PLCXD2: variants seen among roughly 807,000 people sequenced by gnomAD.
PLCXD2 encodes the protein PI-PLC X domain-containing protein 2.
A neutral mutation model predicts 28.6 loss-of-function variants in PLCXD2; 21 were observed. The observed-to-expected ratio is 0.73, with a 90% CI of 0.52 to 1.06. The LOEUF is 1.06. PLCXD2 is among the 50% of genes least tolerant of loss of function. PLCXD2 has a pLI of 0.00. For synonymous variants in PLCXD2, 140 were observed against 150.1 expected (o/e 0.93, Z 0.49); for missense variants, 369 against 376.7 (o/e 0.98, Z 0.17).
intron 1 of PLCXD2, among the ~76,000 whole-genome samples, chr3:111,704,495 A>C (rs4325897): frequency 0.24 from 36,668 of 152,164 alleles, 6,216 homozygotes; most frequent in African/African-American, 0.47. Flanking sequence ...GTGGTCACTC[A>C]TACTTCATAA....
chr3:111,721,401 G>A (rs1006285898), intron 3 of PLCXD2: 1 of 152,164 alleles, frequency 6.6e-6, no homozygotes, highest in Admixed American at 6.5e-5. Flanking sequence ...AGGATTGTTG[G>A]ATGTCACCAC....
intron 2 of PLCXD2, 47 bp downstream of exon 2, chr3:111,708,433 T>G: frequency 6.6e-7 from 1 of 1,507,494 alleles, no homozygotes; most frequent in Non-Finnish European, 9.1e-7. Flanking sequence ...AATTTAACTC[T>G]TCCTGCTTTT....
At chr3:111,706,812 CAAA>C (rs34217304) in intron 1 of PLCXD2, among the ~76,000 whole-genome samples, 10 of 115,040 alleles carry the variant, frequency 8.7e-5, no homozygotes, top group Non-Finnish European at 9.7e-5. Context: ...GACTTTAAGG[CAAA>C]AAAAAAAAAA....
chr3:111,687,420 T>A (rs1465074745), intron 1 of PLCXD2, among the ~76,000 whole-genome samples: 6 of 152,210 alleles, frequency 3.9e-5, no homozygotes, highest in Non-Finnish European at 8.8e-5. Flanking sequence ...CTTAGACAAG[T>A]CTTTTGCTAT....
chr3:111,722,776 G>T, intron 3 of PLCXD2: 1 of 152,166 alleles, frequency 6.6e-6, no homozygotes, highest in Non-Finnish European at 1.5e-5. Flanking sequence ...CCTAGGTGAG[G>T]TACTAAAAGC....
chr3:111,692,287 C>T (rs1401582227), intron 1 of PLCXD2, among the ~76,000 whole-genome samples: 2 of 152,222 alleles, frequency 1.3e-5, no homozygotes, highest in Non-Finnish European at 2.9e-5. Flanking sequence ...TTGTGATCCG[C>T]CCGCCTCGGC....
At chr3:111,690,463 A>C (rs1194276652) in intron 1 of PLCXD2, among the ~76,000 whole-genome samples, 1 of 152,060 alleles carries the variant, frequency 6.6e-6, no homozygotes, top group Non-Finnish European at 1.5e-5. Flanking sequence ...TGTAGTAATC[A>C]CCCAGCAAGG....
chr3:111,712,271 G>A (rs1392506383), intron 2 of PLCXD2, among the ~76,000 whole-genome samples: 1 of 152,178 alleles, frequency 6.6e-6, no homozygotes, highest in Non-Finnish European at 1.5e-5. Context: ...AGTAAAGAAT[G>A]GCACAGTCCT....
At chr3:111,677,327 C>T (rs1283743192) in intron 1 of PLCXD2, 7 of 152,166 alleles carry the variant, frequency 4.6e-5, no homozygotes, top group Non-Finnish European at 1.0e-4. Flanking sequence ...TCCTCTACCT[C>T]GAGCTTCATA....
At chr3:111,719,711 A>C (rs1352051700) in intron 3 of PLCXD2, among the ~76,000 whole-genome samples, 1 of 152,232 alleles carries the variant, frequency 6.6e-6, no homozygotes, top group Non-Finnish European at 1.5e-5. Context: ...AGTGGAAAAA[A>C]AAATCAGTAT....
intron 2 of PLCXD2, among the ~76,000 whole-genome samples, chr3:111,712,408 G>C (rs1941211489): frequency 6.6e-6 from 1 of 152,054 alleles, no homozygotes; most frequent in Non-Finnish European, 1.5e-5. Context: ...ACAGCCCCCA[G>C]GCTTACCACC....
chr3:111,719,019 CA>C (rs1941311276), intron 3 of PLCXD2, among the ~76,000 whole-genome samples: 1 of 152,152 alleles, frequency 6.6e-6, no homozygotes. Context: ...TAAGAAGCCA[CA>C]CTTAGTGATC....
chr3:111,722,150 G>A (rs1320818672), intron 3 of PLCXD2: 1 of 150,608 alleles, frequency 6.6e-6, no homozygotes, highest in Non-Finnish European at 1.5e-5. Context: ...TCGATAAGAG[G>A]TGCTTATCTA....
intron 1 of PLCXD2, among the ~76,000 whole-genome samples, chr3:111,683,326 T>C (rs1488994259): frequency 6.6e-6 from 1 of 152,128 alleles, no homozygotes; most frequent in Non-Finnish European, 1.5e-5. Flanking sequence ...ATGGATTTTA[T>C]TTAAAGAAAG....
chr3:111,714,621 C>G (rs1049776625), intron 3 of PLCXD2, among the ~76,000 whole-genome samples: 1 of 152,222 alleles, frequency 6.6e-6, no homozygotes, highest in Admixed American at 6.5e-5. Context: ...GCTTCAAATA[C>G]TTCCTCAGGG....
intron 3 of PLCXD2, among the ~76,000 whole-genome samples, chr3:111,717,463 A>G (rs962817686): frequency 1.3e-5 from 2 of 152,168 alleles, no homozygotes; most frequent in African/African-American, 2.4e-5. Context: ...CTGAGAAAAT[A>G]AAGTAGCTCC....
intron 1 of PLCXD2, among the ~76,000 whole-genome samples, chr3:111,704,111 A>C (rs1019907920): frequency 6.6e-6 from 1 of 152,214 alleles, no homozygotes; most frequent in Non-Finnish European, 1.5e-5. Context: ...TTTGTATTAT[A>C]TGTGAAATAC....
At position 111,711,276 on chromosome 3, in the gene PLCXD2, C is replaced by T. The variant is rs559783943; in HGVS notation, c.625-2611C>T. The stretch of plus-strand genomic sequence containing the variant: ...AAAATTAGCTGGGCATGGTGGCACA[C>T]GCCTGTAATCCCAGCTACTCGGCAG... On this transcript the variant is annotated intron_variant, in intron 2 of 4. Coordinates refer to ENST00000477665, the MANE Select transcript of PLCXD2 (RefSeq NM_001185106.1). 7.9e-5 allele frequency among the ~76,000 whole-genome samples: 12 copies of T among 152,186 alleles called. No individual in the cohort carries two copies. The South Asian group carries it at 8.3e-4, about 11-fold the overall frequency.
At chr3:111,686,728 A>G (rs1940800950) in intron 1 of PLCXD2, among the ~76,000 whole-genome samples, 1 of 152,238 alleles carries the variant, frequency 6.6e-6, no homozygotes. Context: ...TGGTGGCTCC[A>G]AAGAGATATT....
Sources: allele counts gnomAD v4.1 joint callset (sites outside exome capture counted in the v4.1 genomes callset), GRCh38; gene constraint gnomAD v4.1.1; transcripts MANE v1.5; gene names NCBI Gene and HGNC (gene_info 2026-07-23, HGNC 2026-07-21).